Variants in SDHD observed in about 807,000 individuals in gnomAD.
The protein encoded by SDHD is succinate dehydrogenase complex subunit D.
SDHD carries 6 observed loss-of-function variants against 18.7 expected under a neutral mutation model. That is an observed-to-expected ratio of 0.32 (90% CI 0.18 to 0.63). The LOEUF is 0.63. Ranked by LOEUF, SDHD falls within the 30% of genes least tolerant of loss-of-function variation. SDHD has a pLI of 0.79. For synonymous variants in SDHD, 56 were observed against 73.9 expected (o/e 0.76, Z 1.24); for missense variants, 160 against 192.7 (o/e 0.83, Z 1.00).
chr11:112,092,192 AT>A (rs1865756764), intron 3 of SDHD, among the ~76,000 whole-genome samples: 1 of 152,076 alleles, frequency 6.6e-6, no homozygotes, highest in Non-Finnish European at 1.5e-5. Context: ...ACCATGGCAC[AT>A]GTATACCTGT....
chr11:112,093,890 A>G (rs1340996984), intron 3 of SDHD, among the ~76,000 whole-genome samples: 4 of 152,160 alleles, frequency 2.6e-5, no homozygotes, highest in Non-Finnish European at 5.9e-5. Context: ...CTCATTCACT[A>G]GTATATTCCA....
intron 3 of SDHD, among the ~76,000 whole-genome samples, chr11:112,092,159 C>T (rs541781026): frequency 5.9e-5 from 9 of 151,776 alleles, no homozygotes; most frequent in Admixed American, 1.3e-4. Flanking sequence ...CCCTAGATGA[C>T]GGGTTGATAG....
chr11:112,088,782 A>G, intron 2 of SDHD, 85 bp from the exon 3 acceptor site: 1 of 1,439,120 alleles, frequency 6.9e-7, no homozygotes, highest in Admixed American at 1.7e-5. Context: ...ACTGCCTGTC[A>G]GTTTGGGTTA....
At chr11:112,093,027 CTTTTTTTTTT>C (rs1161641648) in intron 3 of SDHD, 5 of 135,694 alleles carry the variant, frequency 3.7e-5, no homozygotes, top group African/African-American at 9.1e-5. Flanking sequence ...TATTGTATGG[CTTTTTTTTTT>C]TTTTTTTTTT....
chr11:112,087,213 A>G (rs996198487), intron 1 of SDHD, among the ~76,000 whole-genome samples: 1 of 152,172 alleles, frequency 6.6e-6, no homozygotes, highest in African/African-American at 2.4e-5. Flanking sequence ...AGGCTAATCC[A>G]CATAGCAGTT....
chr11:112,092,281 T>C (rs1865759761), intron 3 of SDHD, among the ~76,000 whole-genome samples: 1 of 151,430 alleles, frequency 6.6e-6, no homozygotes, highest in Non-Finnish European at 1.5e-5. Context: ...AAATGGACAT[T>C]ATTAGAAAAA....
chr11:112,089,349 T>C (rs1034247450), intron 3 of SDHD, among the ~76,000 whole-genome samples: 9 of 152,348 alleles, frequency 5.9e-5, no homozygotes, highest in South Asian at 4.1e-4. Context: ...AGCTCCAAAC[T>C]TGGTCATTAT....
chr11:112,089,099 T>G, intron 3 of SDHD, 88 bp downstream of exon 3: 1 of 1,435,824 alleles, frequency 7.0e-7, no homozygotes. Context: ...GAGAAGTTGA[T>G]TGAAATGCCC....
chr11:112,089,099 T>C (rs1865697084), intron 3 of SDHD, 88 bp downstream of exon 3: 4 of 1,435,708 alleles, frequency 2.8e-6, no homozygotes, highest in South Asian at 2.3e-5. Context: ...GAGAAGTTGA[T>C]TGAAATGCCC....
intron 3 of SDHD, among the ~76,000 whole-genome samples, chr11:112,089,262 C>G (rs896886064): frequency 9.2e-5 from 14 of 152,190 alleles, no homozygotes; most frequent in Non-Finnish European, 1.8e-4. Flanking sequence ...CTCCCCTAAT[C>G]TGTTCCTCCT....
chr11:112,089,998 T>C (rs1758251478), intron 3 of SDHD, among the ~76,000 whole-genome samples: 1 of 152,202 alleles, frequency 6.6e-6, no homozygotes, highest in Non-Finnish European at 1.5e-5. Flanking sequence ...TTACTGTATT[T>C]GTTTGCTGTT....
At chr11:112,093,160 G>T in intron 3 of SDHD, 1 of 382,088 alleles carries the variant, frequency 2.6e-6, no homozygotes, top group African/African-American at 2.2e-5. Context: ...TCCGCCTTTC[G>T]GGTTCAAGCG....
intron 3 of SDHD, 135 bp from the exon 4 acceptor site, chr11:112,094,670 A>G (rs138137719): frequency 2.7e-6 from 2 of 741,856 alleles, no homozygotes; most frequent in East Asian, 2.6e-5. Flanking sequence ...AGAAGCAAAC[A>G]GTGACAGTGG....
At chr11:112,088,013 C>T (rs1566692732) in intron 2 of SDHD, 40 bp downstream of exon 2, 1 of 1,344,128 alleles carries the variant, frequency 7.4e-7, no homozygotes, top group Non-Finnish European at 1.1e-6. Context: ...GGGCTCTAGC[C>T]ATCTTTACCT....
chr11:112,087,176 C>T (rs1313282714), intron 1 of SDHD, among the ~76,000 whole-genome samples: 2 of 152,148 alleles, frequency 1.3e-5, no homozygotes, highest in African/African-American at 4.8e-5. Context: ...AGAAAGAGAG[C>T]TCCCTCTGGA....
intron 3 of SDHD, among the ~76,000 whole-genome samples, chr11:112,092,331 C>T (rs1388531995): frequency 6.6e-6 from 1 of 152,074 alleles, no homozygotes; most frequent in African/African-American, 2.4e-5. Flanking sequence ...TGTCACCAGC[C>T]TAGGTTAAGA....
chr11:112,093,094 G>A (rs1312151198), intron 3 of SDHD: 3 of 331,528 alleles, frequency 9.0e-6, no homozygotes, highest in African/African-American at 2.3e-5. Flanking sequence ...GAGTGCAATG[G>A]TGCGATCTTG....
intron 1 of SDHD, among the ~76,000 whole-genome samples, chr11:112,087,168 A>G (rs1315836370): frequency 6.6e-6 from 1 of 152,164 alleles, no homozygotes; most frequent in Non-Finnish European, 1.5e-5. Context: ...GAATAATCAG[A>G]AAGAGAGCTC....
In SDHD at chr11:112,087,917, G is replaced by A. The variant is rs199901239; in HGVS notation, c.113G>A (p.Arg38Gln). 3 of 1,613,754 alleles carry A rather than the reference G, an allele frequency of 1.9e-6. No homozygotes were observed. Among genetic ancestry groups the A allele is most frequent in the Non-Finnish European group, 2.5e-6 (3 of 1,179,844 alleles). ...PAHISAFLQD[R>Q]PIPEWCGVQH... ...CATATCTCAGCATTTCTTCAGGACC[G>A]ACCTATCCCAGAATGGTGTGGAGTG... The change falls in exon 2 of 4, where the codon CGA becomes CAA. Residue 38 changes from arginine (R) to glutamine (Q), a missense_variant. Coordinates refer to ENST00000375549, the MANE Select transcript of SDHD (RefSeq NM_003002.4).
Sources: gnomAD v4.1 joint callset for allele counts (sites outside exome capture counted in the v4.1 genomes callset) on GRCh38, gnomAD v4.1.1 for gene constraint, MANE v1.5 for transcripts, NCBI Gene and HGNC (gene_info 2026-07-23, HGNC 2026-07-21) for gene names.